The following BMP2K variants were observed in gnomAD, a reference collection of about 807,000 sequenced individuals.
BMP2K encodes the protein BMP2 inducible kinase.
In BMP2K, 74 loss-of-function variants were observed where a neutral mutation model predicts 116.0. That is an observed-to-expected ratio of 0.64 (90% CI 0.53 to 0.77). The LOEUF (loss-of-function observed/expected upper bound fraction) is 0.77. Ranked by LOEUF, BMP2K falls within the 30% of genes least tolerant of loss-of-function variation. The pLI, the probability that BMP2K is intolerant of heterozygous loss-of-function variation, is 0.00. For missense variants in BMP2K, 1,365 were observed against 1,403.6 expected, an observed-to-expected ratio of 0.97 and a Z score of 0.44; for synonymous variants, 486 against 502.5, an observed-to-expected ratio of 0.97 and a Z score of 0.44.
In BMP2K at chr4:78,872,853, G is replaced by A. The variant is rs150590657; in HGVS notation, c.1793+55G>A. 1.0e-3 allele frequency: 1,552 copies of A among 1,533,948 alleles called. 8 individuals carry two copies. The African/African-American group carries it at 0.019, about 19-fold the overall frequency. On this transcript the variant is annotated intron_variant, in intron 13 of 15. Transcript: ENST00000502613. ...AATTATTGTGGAAGTGGAAGTCATC[G>A]TTGAATGGTCGGTCATTAAGTTCTC...
chr4:78,916,206 T>C lies in BMP2K; in HGVS notation c.*4173T>C, dbSNP rs1560565972. 1 of 151,968 alleles carries C rather than the reference T, an allele frequency of 6.6e-6. No homozygotes were observed. Among genetic ancestry groups the C allele is most frequent in the African/African-American group, 2.4e-5 (1 of 41,446 alleles). 9.4% of individuals were successfully genotyped at this position (151,968 alleles called of 1,614,324 possible). ...TAAGCACTAACTGATTTTATTACTT[T>C]ATTGCCTTTACACTGCTTATTCTTT... On this transcript the variant is annotated 3_prime_UTR_variant, in exon 16 of 16. Coordinates refer to ENST00000502613, the MANE Select transcript of BMP2K (RefSeq NM_198892.2).
chr4:78,861,372 A>ATTT lies in BMP2K; in HGVS notation c.988-11_988-9dup. The ATTT allele has an allele frequency of 1.3e-6, 2 of 1,571,828 alleles. No homozygotes were observed. Among genetic ancestry groups the ATTT allele is most frequent in the African/African-American group, 1.4e-5 (1 of 73,046 alleles). On this transcript the variant is annotated splice_polypyrimidine_tract_variant and intron_variant, in intron 8 of 15. Coordinates refer to ENST00000502613, the MANE Select transcript of BMP2K (RefSeq NM_198892.2). The stretch of plus-strand genomic sequence containing the variant: ...ATAAAAAACTAAAATGAGACGTTTT[A>ATTT]TTTTTTTTCTTCCAAGAATTCTTCT...
intron 14 of BMP2K, among the ~76,000 whole-genome samples, chr4:78,884,754 G>A (rs186170241): frequency 2.6e-5 from 4 of 152,242 alleles, no homozygotes; most frequent in African/African-American, 7.2e-5. Flanking sequence ...TGCATTCAGG[G>A]CCTGAATAAA....
At chr4:78,880,507 A>C (rs1296617560) in intron 14 of BMP2K, among the ~76,000 whole-genome samples, 1 of 152,232 alleles carries the variant, frequency 6.6e-6, no homozygotes, top group East Asian at 1.9e-4. Context: ...TCAACTGCTT[A>C]GGTAAAAAAT....
At chr4:78,798,541 A>C (rs1440321382) in intron 1 of BMP2K, among the ~76,000 whole-genome samples, 1 of 152,238 alleles carries the variant, frequency 6.6e-6, no homozygotes, top group African/African-American at 2.4e-5. Context: ...ATGTGTTCTC[A>C]AAGGAATGAC....
At chr4:78,881,737 G>A (rs1324478700) in intron 14 of BMP2K, among the ~76,000 whole-genome samples, 1 of 151,754 alleles carries the variant, frequency 6.6e-6, no homozygotes, top group Non-Finnish European at 1.5e-5. Flanking sequence ...ATTGATAGAT[G>A]GTCATTATAT....
At chr4:78,900,809 C>T (rs7691825) in intron 15 of BMP2K, among the ~76,000 whole-genome samples, 25,100 of 152,092 alleles carry the variant, frequency 0.17, 4,156 homozygotes, top group African/African-American at 0.43. Flanking sequence ...GATCCATTTA[C>T]GCAAAAATCA....
intron 15 of BMP2K, among the ~76,000 whole-genome samples, chr4:78,899,618 A>G (rs1175438748): frequency 6.6e-6 from 1 of 152,146 alleles, no homozygotes; most frequent in Non-Finnish European, 1.5e-5. Flanking sequence ...AAGAAGGACC[A>G]TAGAAACAGG....
chr4:78,847,160 C>A (rs773380415), intron 5 of BMP2K, 28 bp from the exon 6 acceptor site: 1 of 1,249,714 alleles, frequency 8.0e-7, no homozygotes, highest in South Asian at 1.8e-5. Flanking sequence ...ATATATATCT[C>A]CACTCCATTT....
At chr4:78,784,067 G>A (rs564927510) in intron 1 of BMP2K, among the ~76,000 whole-genome samples, 1 of 151,908 alleles carries the variant, frequency 6.6e-6, no homozygotes, top group South Asian at 2.1e-4. Context: ...GTTAGAGAAT[G>A]TACTAGAAAG....
chr4:78,844,806 C>T, intron 4 of BMP2K, 122 bp from the exon 5 acceptor site: 1 of 792,292 alleles, frequency 1.3e-6, no homozygotes. Context: ...TGGCATATAC[C>T]CTTCGGTGTT....
rs1043387307 is a variant in BMP2K at position 78,817,937 on chromosome 4, A to AT, written c.179-8093dup. 2.0e-5 allele frequency among the ~76,000 whole-genome samples: 3 copies of AT among 152,086 alleles called. 1 individual carries two copies. In the South Asian group the frequency reaches 6.2e-4, roughly 32 times the overall value. Reference sequence around the variant, plus strand: ...AACTAGGAACAAAGAACAGACATATATTTTTTTCTTATATTATGGTAATAG... The same window carrying AT: ...AACTAGGAACAAAGAACAGACATATATTTTTTTTCTTATATTATGGTAATAG... On this transcript the variant is annotated intron_variant, in intron 1 of 15. Transcript: ENST00000502613.
At chr4:78,890,404 G>GCACACACACACA (rs149825379) in intron 15 of BMP2K, among the ~76,000 whole-genome samples, 35 of 147,968 alleles carry the variant, frequency 2.4e-4, no homozygotes, top group African/African-American at 8.1e-4. Context: ...ACAATCATGC[G>GCACACACACACA]CACACACACA....
intron 2 of BMP2K, among the ~76,000 whole-genome samples, chr4:78,826,665 C>G (rs1363815905): frequency 1.3e-5 from 2 of 152,152 alleles, no homozygotes; most frequent in Non-Finnish European, 2.9e-5. Context: ...ATACTAAACT[C>G]TGCAGATGCT....
chr4:78,793,974 A>G (rs1282688403), intron 1 of BMP2K, among the ~76,000 whole-genome samples: 1 of 152,186 alleles, frequency 6.6e-6, no homozygotes, highest in Non-Finnish European at 1.5e-5. Context: ...TACAGTTTAC[A>G]GTGTATAGTG....
chr4:78,848,822 A>G (rs1043574512), intron 6 of BMP2K, among the ~76,000 whole-genome samples: 2 of 151,454 alleles, frequency 1.3e-5, no homozygotes, highest in African/African-American at 4.8e-5. Flanking sequence ...AAAAAGAAAC[A>G]TAATTAGAGA....
chr4:78,910,945 CAT>C lies in BMP2K; in HGVS notation c.2400_2401del (p.His800GlnfsTer3), dbSNP rs1485022963. The C allele has an allele frequency of 1.2e-6, 2 of 1,613,606 alleles. No homozygotes were observed. Among genetic ancestry groups the C allele is most frequent in the South Asian group, 2.2e-5 (2 of 91,028 alleles). ...TGAAGATGAGGAAGAAGAGGAGAAA[CAT>C]AGCTCTGATTCTGATTATGAGCAGG... The part of the protein sequence containing the change: ...DSEDEEEEEK[H>X]SSDSDYEQAK... On this transcript the variant is annotated frameshift_variant, in exon 16 of 16. Transcript: ENST00000502613. LOFTEE classifies it high-confidence loss of function.
At position 78,915,724 on chromosome 4, in the gene BMP2K, C is replaced by T. The variant is rs1734994662; in HGVS notation, c.*3691C>T. The stretch of plus-strand genomic sequence containing the variant: ...GCAACCACAATCATATCTAAGAGAA[C>T]ATTCACTCCTAGTGAGGGTTTACAA... On this transcript the variant is annotated 3_prime_UTR_variant, in exon 16 of 16. Coordinates refer to ENST00000502613, the MANE Select transcript of BMP2K (RefSeq NM_198892.2). The T allele has an allele frequency of 6.6e-6, 1 of 151,922 alleles. No individual in the cohort carries two copies. Among genetic ancestry groups the T allele is most frequent in the Admixed American group, 6.6e-5 (1 of 15,214 alleles). 9.4% of individuals were successfully genotyped at this position (151,922 alleles called of 1,614,324 possible). A position where few individuals can be genotyped will look rare whatever the true frequency, so the allele number is the denominator to read the frequency against.
chr4:78,870,583 T>A (rs1291927463), intron 10 of BMP2K, among the ~76,000 whole-genome samples, 200 bp from the exon 11 acceptor site: 1 of 152,158 alleles, frequency 6.6e-6, no homozygotes, highest in East Asian at 1.9e-4. Context: ...TTGTTCAGAG[T>A]TGTAGACGAC....
Sources: gnomAD v4.1 joint callset for allele counts (sites outside exome capture counted in the v4.1 genomes callset) on GRCh38, gnomAD v4.1.1 for gene constraint, MANE v1.5 for transcripts, NCBI Gene and HGNC (gene_info 2026-07-23, HGNC 2026-07-21) for gene names.